Variants in UNC13C observed in about 807,000 individuals in gnomAD.
UNC13C encodes the protein protein unc-13 homolog C.
Under a neutral mutation model 245.4 loss-of-function variants are expected in UNC13C, and 174 were observed. That is an observed-to-expected ratio of 0.71 (90% confidence interval 0.63 to 0.80). The LOEUF (loss-of-function observed/expected upper bound fraction) is 0.80. Among genes scored for constraint, UNC13C ranks in the 30% least tolerant of loss-of-function variants. The probability of loss-of-function intolerance (pLI) is 0.00; values close to 1 mark genes in which losing one functional copy is unlikely to be tolerated. For synonymous variants in UNC13C, 992 were observed against 895.1 expected (o/e 1.11, Z -1.93); for missense variants, 2,829 against 2,602.9 (o/e 1.09, Z -1.89).
chr15:53,902,904 G>A, the UNC13C span, among the ~76,000 whole-genome samples: 1 of 152,186 alleles, frequency 6.6e-6, no homozygotes. Flanking sequence ...TGATAGACCA[G>A]ATGGAGGAAA....
At chr15:54,098,325 C>T (rs367727828) in intron 2 of UNC13C, among the ~76,000 whole-genome samples, 3 of 152,150 alleles carry the variant, frequency 2.0e-5, no homozygotes, top group African/African-American at 7.2e-5. Flanking sequence ...CAGGCAAGTG[C>T]CACCACGCCT....
intron 24 of UNC13C, among the ~76,000 whole-genome samples, chr15:54,514,047 A>G (rs189996631): frequency 6.6e-6 from 1 of 152,308 alleles, no homozygotes; most frequent in Admixed American, 6.5e-5. Flanking sequence ...CTTAATTGAT[A>G]CAGAATTATG....
At chr15:54,087,635 T>A (rs1441880830) in intron 2 of UNC13C, among the ~76,000 whole-genome samples, 1 of 152,212 alleles carries the variant, frequency 6.6e-6, no homozygotes, top group Non-Finnish European at 1.5e-5. Context: ...CACAGGTAGA[T>A]CTCCTATGCC....
chr15:54,134,833 A>G (rs751723653), intron 2 of UNC13C, among the ~76,000 whole-genome samples: 4 of 152,182 alleles, frequency 2.6e-5, no homozygotes, highest in African/African-American at 7.2e-5. Flanking sequence ...ATTTATACCT[A>G]TAAGTGAGAT....
intron 18 of UNC13C, among the ~76,000 whole-genome samples, chr15:54,413,399 A>G (rs190832133): frequency 6.6e-6 from 1 of 152,266 alleles, no homozygotes; most frequent in East Asian, 1.9e-4. Flanking sequence ...TTGATGCCGC[A>G]TATTAATTAC....
chr15:54,201,140 AAT>A (rs1335325293), intron 4 of UNC13C, among the ~76,000 whole-genome samples: 1 of 152,088 alleles, frequency 6.6e-6, no homozygotes, highest in Non-Finnish European at 1.5e-5. Context: ...TGAACAGACC[AAT>A]AACAAGCAGC....
At chr15:54,601,966 C>T (rs910230630) in intron 30 of UNC13C, among the ~76,000 whole-genome samples, 3 of 152,178 alleles carry the variant, frequency 2.0e-5, no homozygotes, top group South Asian at 2.1e-4. Context: ...GGAGGATTGA[C>T]TTGCACTCCC....
At chr15:54,071,081 A>T (rs755476509) in intron 2 of UNC13C, among the ~76,000 whole-genome samples, 2 of 152,174 alleles carry the variant, frequency 1.3e-5, no homozygotes, top group African/African-American at 2.4e-5. Flanking sequence ...GTAGCATCTG[A>T]TAATTAATAT....
chr15:53,848,649 G>T, the UNC13C span, among the ~76,000 whole-genome samples: 1 of 152,022 alleles, frequency 6.6e-6, no homozygotes, highest in African/African-American at 2.4e-5. Flanking sequence ...GATTCTTGGC[G>T]TTTTTTAGGT....
intron 2 of UNC13C, among the ~76,000 whole-genome samples, chr15:54,084,142 A>G (rs527457865): frequency 1.3e-4 from 20 of 152,222 alleles, no homozygotes; most frequent in Non-Finnish European, 1.8e-4. Context: ...GACTCTTGCT[A>G]CTTTCCTTTT....
intron 19 of UNC13C, among the ~76,000 whole-genome samples, chr15:54,459,491 T>C (rs886374795): frequency 1.3e-5 from 2 of 152,218 alleles, no homozygotes; most frequent in Admixed American, 1.3e-4. Flanking sequence ...AAATAAGTTT[T>C]CCAAACTTTT....
chr15:54,383,196 C>T (rs2039764742), intron 17 of UNC13C, among the ~76,000 whole-genome samples: 3 of 152,114 alleles, frequency 2.0e-5, no homozygotes, highest in Admixed American at 2.0e-4. Context: ...TTCTATGAGG[C>T]TAGCATTTTC....
chr15:54,463,807 G>A (rs773018253), intron 19 of UNC13C, among the ~76,000 whole-genome samples: 16 of 152,096 alleles, frequency 1.1e-4, no homozygotes, highest in Non-Finnish European at 1.8e-4. Flanking sequence ...CTCGTCAAAA[G>A]GCAGAATTCT....
intron 19 of UNC13C, among the ~76,000 whole-genome samples, chr15:54,488,034 A>C (rs1893515011): frequency 6.6e-6 from 1 of 152,122 alleles, no homozygotes; most frequent in African/African-American, 2.4e-5. Flanking sequence ...CAACATTATA[A>C]GATCTTTATA....
chr15:53,894,652 T>C, the UNC13C span, among the ~76,000 whole-genome samples: 1 of 152,208 alleles, frequency 6.6e-6, no homozygotes, highest in Non-Finnish European at 1.5e-5. Context: ...ATCTTGAGAC[T>C]TCTTGCTATT....
intron 30 of UNC13C, among the ~76,000 whole-genome samples, chr15:54,588,952 C>T (rs756239098): frequency 6.6e-6 from 1 of 152,144 alleles, no homozygotes. Flanking sequence ...CATGCATGTG[C>T]AAGTATCTTT....
intron 7 of UNC13C, 26 bp downstream of exon 7, chr15:54,237,716 A>G (rs1341770696): frequency 2.6e-6 from 4 of 1,533,182 alleles, no homozygotes; most frequent in South Asian, 1.2e-5. Context: ...TGCTCATAAT[A>G]TCTAACTAGA....
chr15:54,110,414 G>A (rs1203947607), intron 2 of UNC13C, among the ~76,000 whole-genome samples: 1 of 152,112 alleles, frequency 6.6e-6, no homozygotes, highest in East Asian at 1.9e-4. Context: ...TTATCATTCT[G>A]TTTGTTAGGT....
At chr15:53,886,674 A>G in the UNC13C span, among the ~76,000 whole-genome samples, 1 of 152,146 alleles carries the variant, frequency 6.6e-6, no homozygotes, top group South Asian at 2.1e-4. Flanking sequence ...ACACAGCATT[A>G]AAAAGGGAGG....
Sources: gnomAD v4.1 joint callset for allele counts (sites outside exome capture counted in the v4.1 genomes callset) on GRCh38, gnomAD v4.1.1 for gene constraint, MANE v1.5 for transcripts, NCBI Gene and HGNC (gene_info 2026-07-23, HGNC 2026-07-21) for gene names.